Variants in GSAP observed in about 807,000 individuals in gnomAD.
The protein encoded by GSAP is gamma-secretase activating protein.
Under a neutral mutation model 131.7 loss-of-function variants are expected in GSAP, and 118 were observed. That is an observed-to-expected ratio of 0.90 (90% confidence interval 0.77 to 1.04). The LOEUF (loss-of-function observed/expected upper bound fraction) is 1.04. Ranked by LOEUF, GSAP falls within the 50% of genes least tolerant of loss-of-function variation. GSAP has a pLI of 0.00. For synonymous variants in GSAP, 381 were observed against 363.4 expected (o/e 1.05, Z -0.55); for missense variants, 1,019 against 1,013.2 (o/e 1.01, Z -0.08).
At chr7:77,388,111 G>A (rs1207300606) in intron 5 of GSAP, among the ~76,000 whole-genome samples, 2 of 152,214 alleles carry the variant, frequency 1.3e-5, no homozygotes, top group Non-Finnish European at 2.9e-5. Context: ...TGACTTTAAA[G>A]TTTGACTTTG....
At chr7:77,410,417 T>C (rs1803060345) in intron 1 of GSAP, among the ~76,000 whole-genome samples, 1 of 152,254 alleles carries the variant, frequency 6.6e-6, no homozygotes, top group Non-Finnish European at 1.5e-5. Context: ...GCTTATTCAT[T>C]CTGACTCTTC....
chr7:77,310,838 T>C lies in GSAP; in HGVS notation c.*520A>G, dbSNP rs771812827. ...AAAAATAAATATGTTTCATCTGAAT[T>C]CACAAAGACAAACCCTGCTGCAAAT... On this transcript the variant is annotated 3_prime_UTR_variant, in exon 31 of 31. Coordinates refer to ENST00000257626, the MANE Select transcript of GSAP (RefSeq NM_017439.4). 1 of 152,238 alleles carries C rather than the reference T, an allele frequency of 6.6e-6. No individual in the cohort carries two copies. The highest frequency in any genetic ancestry group is 1.5e-5 in the Non-Finnish European group (1 of 68,052). 9.4% of individuals were successfully genotyped at this position (152,238 alleles called of 1,614,324 possible). A position where few individuals can be genotyped will look rare whatever the true frequency, so the allele number is the denominator to read the frequency against.
At chr7:77,366,836 T>C (rs1010059784) in intron 12 of GSAP, among the ~76,000 whole-genome samples, 1 of 152,246 alleles carries the variant, frequency 6.6e-6, no homozygotes, top group Non-Finnish European at 1.5e-5. Context: ...ATTTTAATGA[T>C]ATTGATTCTT....
intron 8 of GSAP, 41 bp downstream of exon 8, chr7:77,381,263 GA>G (rs76371639): frequency 1.7e-4 from 191 of 1,111,476 alleles, no homozygotes; most frequent in Middle Eastern, 6.1e-4. Flanking sequence ...TCTTTGTGGG[GA>G]AAAAAAAACC....
chr7:77,348,000 A>G (rs10229174), intron 19 of GSAP, among the ~76,000 whole-genome samples: 1 of 150,680 alleles, frequency 6.6e-6, no homozygotes, highest in Non-Finnish European at 1.5e-5. Flanking sequence ...AAAAAAAAAA[A>G]AATAAGAAAA....
chr7:77,387,247 G>T lies in GSAP; in HGVS notation c.456+113C>A. Reference sequence around the variant, plus strand: ...TACTTCCAGCCATAGTAGTCTACAAGACTGTTCTGAGGATTAAATATGATA... The same window carrying T: ...TACTTCCAGCCATAGTAGTCTACAATACTGTTCTGAGGATTAAATATGATA... On this transcript the variant is annotated intron_variant, in intron 6 of 30. Transcript: ENST00000257626. 1.1e-5 allele frequency: 7 copies of T among 625,366 alleles called. No homozygotes were observed. The Middle Eastern group carries it at 1.5e-3, about 130-fold the overall frequency. 38.7% of individuals were successfully genotyped at this position (625,366 alleles called of 1,614,324 possible).
rs1794054380 is a variant in GSAP at position 77,358,310 on chromosome 7, C to T, written c.1027+2514G>A. The stretch of plus-strand genomic sequence containing the variant: ...GAGCCAAGATCATACCACTGCACTC[C>T]AGCCTAGGCAACAGAGCAAGATCCT... On this transcript the variant is annotated intron_variant, in intron 14 of 30. Transcript: ENST00000257626. 4.6e-5 allele frequency among the ~76,000 whole-genome samples: 7 copies of T among 152,340 alleles called. No individual in the cohort carries two copies. In the South Asian group the frequency reaches 1.4e-3, roughly 32 times the overall value.
At chr7:77,377,600 G>A (rs183632337) in intron 8 of GSAP, among the ~76,000 whole-genome samples, 38 of 152,090 alleles carry the variant, frequency 2.5e-4, no homozygotes, top group African/African-American at 7.7e-4. Flanking sequence ...TTCTTCCCAC[G>A]TATAATATAT....
intron 19 of GSAP, among the ~76,000 whole-genome samples, chr7:77,347,745 C>A (rs985384745): frequency 1.2e-4 from 18 of 151,800 alleles, no homozygotes; most frequent in African/African-American, 3.6e-4. Context: ...AATATGCATA[C>A]CTATAACAAA....
intron 26 of GSAP, among the ~76,000 whole-genome samples, chr7:77,319,080 T>C (rs1174066543): frequency 6.6e-6 from 1 of 151,782 alleles, no homozygotes; most frequent in African/African-American, 2.4e-5. Context: ...AAAATATATA[T>C]GTATAAAAGG....
chr7:77,356,417 G>A (rs1010670848), intron 14 of GSAP, among the ~76,000 whole-genome samples: 2 of 152,082 alleles, frequency 1.3e-5, no homozygotes, highest in African/African-American at 4.8e-5. Flanking sequence ...TGCCAGTTTC[G>A]GGAAGCTCTA....
Position 77,328,641 on chromosome 7 carries a change from C to A in GSAP, c.1734-4G>T. ...TGCTTCTAGGTTAGAAATCACCCTA[C>A]GAAGAAATTAGCCATGTTATTCACA... On this transcript the variant is annotated splice_region_variant and splice_polypyrimidine_tract_variant and intron_variant, in intron 21 of 30. Coordinates refer to ENST00000257626, the MANE Select transcript of GSAP (RefSeq NM_017439.4). The A allele has an allele frequency of 1.9e-6, 3 of 1,559,238 alleles. No individual in the cohort carries two copies. The highest frequency in any genetic ancestry group is 1.8e-6 in the Non-Finnish European group (2 of 1,131,868).
At chr7:77,405,657 C>T (rs1030868524) in intron 2 of GSAP, among the ~76,000 whole-genome samples, 8 of 152,222 alleles carry the variant, frequency 5.3e-5, no homozygotes, top group Non-Finnish European at 1.0e-4. Context: ...CCTGCCTCAG[C>T]CTCCTGAGTA....
intron 5 of GSAP, among the ~76,000 whole-genome samples, chr7:77,393,365 G>A (rs1308300712): frequency 1.3e-5 from 2 of 152,042 alleles, no homozygotes; most frequent in Non-Finnish European, 2.9e-5. Context: ...CCCATGATGA[G>A]CAATACCTTT....
intron 19 of GSAP, among the ~76,000 whole-genome samples, chr7:77,341,504 C>CT (rs1418481730): frequency 2.0e-5 from 3 of 152,214 alleles, no homozygotes; most frequent in African/African-American, 7.2e-5. Context: ...AAAGAGGTGG[C>CT]TGGAGCTAAA....
At chr7:77,364,966 G>A (rs1056042574) in intron 12 of GSAP, among the ~76,000 whole-genome samples, 1 of 152,108 alleles carries the variant, frequency 6.6e-6, no homozygotes, top group African/African-American at 2.4e-5. Flanking sequence ...TATGACTGAA[G>A]CACTATTTAT....
chr7:77,324,652 C>A (rs961304215), intron 23 of GSAP, among the ~76,000 whole-genome samples: 1 of 152,096 alleles, frequency 6.6e-6, no homozygotes, highest in African/African-American at 2.4e-5. Flanking sequence ...ATAAAAGATG[C>A]TTTCTGTGTA....
intron 30 of GSAP, 32 bp downstream of exon 30, chr7:77,311,809 G>T: frequency 9.8e-7 from 1 of 1,019,354 alleles, no homozygotes; most frequent in African/African-American, 1.6e-5. Flanking sequence ...AGGGAAAAGT[G>T]GTAAGACCCT....
intron 22 of GSAP, among the ~76,000 whole-genome samples, chr7:77,327,862 G>A (rs968987048): frequency 2.0e-5 from 3 of 151,780 alleles, no homozygotes; most frequent in Non-Finnish European, 2.9e-5. Flanking sequence ...CTCACTCCCC[G>A]CACCTATGGA....
Sources: gnomAD v4.1 joint callset for allele counts (sites outside exome capture counted in the v4.1 genomes callset) on GRCh38, gnomAD v4.1.1 for gene constraint, MANE v1.5 for transcripts, NCBI Gene and HGNC (gene_info 2026-07-23, HGNC 2026-07-21) for gene names.